The following NBEAL1 variants were observed in gnomAD, a reference collection of about 807,000 sequenced individuals.
NBEAL1 encodes the protein neurobeachin-like protein 1.
In NBEAL1, 273 loss-of-function variants were observed where a neutral mutation model predicts 351.3. The observed-to-expected ratio is 0.78, with a 90% confidence interval of 0.70 to 0.86. The LOEUF (loss-of-function observed/expected upper bound fraction) is 0.86, where lower values mean the gene tolerates loss of function less well. NBEAL1 is among the 40% of genes least tolerant of loss of function. NBEAL1 has a pLI of 0.00. For missense variants in NBEAL1, 2,961 were observed against 3,201.3 expected, an observed-to-expected ratio of 0.92 and a Z score of 1.81; for synonymous variants, 1,050 against 1,086.4, an observed-to-expected ratio of 0.97 and a Z score of 0.66.
Position 203,201,700 on chromosome 2 carries a change from A to G in NBEAL1, c.7396A>G (p.Ile2466Val). The change falls in exon 50 of 56, where the codon ATC (isoleucine) becomes GTC (valine). Residue 2466 changes from isoleucine to valine, a missense_variant. By Grantham distance (29) the Ile-to-Val change is conservative. Coordinates refer to ENST00000683969, the MANE Select transcript of NBEAL1 (RefSeq NM_001378026.1). Reference sequence around the variant, plus strand: ...TACAAAAGGCAAAATTATCTCACACATCATCCGGCATATGGGTAAGCATTA... The same window carrying G: ...TACAAAAGGCAAAATTATCTCACACGTCATCCGGCATATGGGTAAGCATTA... Reference protein sequence around the residue: ...SLTKGKIISHIIRHMDIVTCL... With the variant: ...SLTKGKIISHVIRHMDIVTCL... 1.3e-6 allele frequency: 2 copies of G among 1,599,122 alleles called. No homozygotes were observed. The highest frequency in any genetic ancestry group is 1.7e-6 in the Non-Finnish European group (2 of 1,172,168).
chr2:203,178,325 C>A (rs982707721), intron 42 of NBEAL1, among the ~76,000 whole-genome samples: 1 of 151,976 alleles, frequency 6.6e-6, no homozygotes, highest in African/African-American at 2.4e-5. Flanking sequence ...CCACCACACT[C>A]AAGTAACTTT....
chr2:203,209,794 TG>T (rs903409876), intron 53 of NBEAL1, among the ~76,000 whole-genome samples: 22 of 151,522 alleles, frequency 1.5e-4, no homozygotes, highest in Non-Finnish European at 2.7e-4. Flanking sequence ...TGGAGTGCAG[TG>T]GCGCAATCAG....
chr2:203,160,144 A>G (rs548738039), intron 36 of NBEAL1, among the ~76,000 whole-genome samples: 38 of 143,980 alleles, frequency 2.6e-4, no homozygotes, highest in African/African-American at 9.6e-4. Context: ...CAGTGGCGAG[A>G]TCTTGGCTCA....
At chr2:203,133,825 AAT>A (rs1053832831) in intron 27 of NBEAL1, among the ~76,000 whole-genome samples, 3 of 151,486 alleles carry the variant, frequency 2.0e-5, no homozygotes, top group South Asian at 2.1e-4. Context: ...AGAAAAGAAA[AAT>A]ATATATATTT....
intron 10 of NBEAL1, among the ~76,000 whole-genome samples, chr2:203,088,403 A>C (rs1036948558): frequency 2.6e-5 from 4 of 152,110 alleles, no homozygotes; most frequent in African/African-American, 9.7e-5. Context: ...AAAATCAACT[A>C]TCAAATAAAC....
At chr2:203,070,014 T>C (rs899678694) in intron 7 of NBEAL1, among the ~76,000 whole-genome samples, 2 of 152,174 alleles carry the variant, frequency 1.3e-5, no homozygotes, top group African/African-American at 4.8e-5. Flanking sequence ...AGAAATGTAA[T>C]TTGTTTTTGT....
At chr2:203,197,850 A>G (rs1391653242) in intron 48 of NBEAL1, among the ~76,000 whole-genome samples, 1 of 152,100 alleles carries the variant, frequency 6.6e-6, no homozygotes, top group Admixed American at 6.6e-5. Context: ...TGGAGGTTGC[A>G]GTGAGCCAAG....
intron 3 of NBEAL1, among the ~76,000 whole-genome samples, chr2:203,045,591 A>G (rs1037844544): frequency 6.6e-6 from 1 of 152,216 alleles, no homozygotes; most frequent in Non-Finnish European, 1.5e-5. Flanking sequence ...TTTAATTACA[A>G]TCAGGTATTC....
At chr2:203,158,569 C>T (rs1374219316) in intron 36 of NBEAL1, among the ~76,000 whole-genome samples, 1 of 152,116 alleles carries the variant, frequency 6.6e-6, no homozygotes, top group East Asian at 1.9e-4. Context: ...TACTGTCATA[C>T]GTATTACATT....
intron 2 of NBEAL1, among the ~76,000 whole-genome samples, chr2:203,024,875 A>C (rs2060830876): frequency 6.6e-6 from 1 of 152,134 alleles, no homozygotes; most frequent in South Asian, 2.1e-4. Flanking sequence ...TAAATAAATA[A>C]ATAAATACAT....
intron 15 of NBEAL1, among the ~76,000 whole-genome samples, chr2:203,111,377 GT>G (rs1419055541): frequency 1.3e-5 from 2 of 150,520 alleles, no homozygotes; most frequent in African/African-American, 4.9e-5. Context: ...GTTTTTTTTT[GT>G]TTTTTTCTTT....
At chr2:203,138,412 A>AGAG in intron 30 of NBEAL1, 97 bp downstream of exon 30, 1 of 1,164,386 alleles carries the variant, frequency 8.6e-7, no homozygotes, top group South Asian at 1.6e-5. Context: ...TTAATGCTTA[A>AGAG]TCAGATTCAA....
At position 203,223,233 on chromosome 2, in the gene NBEAL1, A is replaced by T. The variant is rs1262626525; in HGVS notation, c.*5879A>T. 6.6e-6 allele frequency among the ~76,000 whole-genome samples: 1 copy of T among 152,160 alleles called. No individual in the cohort carries two copies. The highest frequency in any genetic ancestry group is 1.5e-5 in the Non-Finnish European group (1 of 67,984). On this transcript the variant is annotated 3_prime_UTR_variant, in exon 56 of 56. Coordinates refer to ENST00000683969, the MANE Select transcript of NBEAL1 (RefSeq NM_001378026.1). Reference sequence around the variant, plus strand: ...TATTTACCTTTGTCTTAATGCCCATAATCTTATGAACTGAAAATTCAGAAG... The same window carrying T: ...TATTTACCTTTGTCTTAATGCCCATTATCTTATGAACTGAAAATTCAGAAG...
chr2:203,091,280 CAA>C (rs887784216), intron 10 of NBEAL1, among the ~76,000 whole-genome samples: 4 of 152,168 alleles, frequency 2.6e-5, no homozygotes, highest in Admixed American at 2.0e-4. Flanking sequence ...ATAGTGTCCT[CAA>C]GATTCGTCCA....
chr2:203,213,664 G>C lies in NBEAL1; in HGVS notation c.8070+11G>C. 6.2e-7 allele frequency: 1 copy of C among 1,613,354 alleles called. No homozygotes were observed. Among genetic ancestry groups the C allele is most frequent in the Non-Finnish European group, 8.5e-7 (1 of 1,179,776 alleles). ...GGCAAGCCTGCTGAGGTAAAACCTA[G>C]CATCAGTAATTTCATTTCTCATGCT... On this transcript the variant is annotated intron_variant, in intron 55 of 55. Coordinates refer to ENST00000683969, the MANE Select transcript of NBEAL1 (RefSeq NM_001378026.1).
chr2:203,049,827 C>A lies in NBEAL1; in HGVS notation c.157C>A (p.Pro53Thr), dbSNP rs754292716. ...EKLPTRVDDM[P>T]PGISLLPDNI... ...TTTCTGTTGTAGGGTAGATGATATG[C>A]CTCCAGGAATATCTCTGCTTCCTGA... is the stretch of plus-strand genomic sequence containing the variant. The change falls in exon 4 of 56, where the codon CCT (proline) becomes ACT (threonine). Residue 53 changes from proline (P) to threonine (T), a missense_variant. Physicochemically the swap from Pro to Thr is conservative, Grantham distance 38. Transcript: ENST00000683969. 1 of 1,551,018 alleles carries A rather than the reference C, an allele frequency of 6.4e-7. No homozygotes were observed.
chr2:203,166,338 T>G, intron 37 of NBEAL1, 41 bp downstream of exon 37: 1 of 1,544,332 alleles, frequency 6.5e-7, no homozygotes, highest in Non-Finnish European at 8.8e-7. Context: ...TGTTCAATAA[T>G]TAAGTATCTA....
intron 2 of NBEAL1, among the ~76,000 whole-genome samples, chr2:203,016,908 C>A (rs1214108238): frequency 6.6e-6 from 1 of 152,198 alleles, no homozygotes; most frequent in Non-Finnish European, 1.5e-5. Context: ...AGCATTGTCT[C>A]ATTTCCTTCT....
At position 203,202,682 on chromosome 2, in the gene NBEAL1, T is replaced by TA; in HGVS notation, c.7412-4dup. On this transcript the variant is annotated splice_polypyrimidine_tract_variant and splice_region_variant and intron_variant, in intron 50 of 55. Transcript: ENST00000683969. ...TCTCATTTTATTTAATTCCTTTTCT[T>TA]ACAGATATTGTGACTTGCTTAGCTA... 6.5e-7 allele frequency: 1 copy of TA among 1,531,358 alleles called. No homozygotes were observed. Among genetic ancestry groups the TA allele is most frequent in the Non-Finnish European group, 9.0e-7 (1 of 1,107,168 alleles). 94.9% of individuals were successfully genotyped at this position (1,531,358 alleles called of 1,614,324 possible).
Sources: allele counts gnomAD v4.1 joint callset (sites outside exome capture counted in the v4.1 genomes callset), GRCh38; gene constraint gnomAD v4.1.1; transcripts MANE v1.5; gene names NCBI Gene and HGNC (gene_info 2026-07-23, HGNC 2026-07-21).